CRAT: variants seen among roughly 807,000 people sequenced by gnomAD.
CRAT encodes carnitine acetylase.
A neutral mutation model predicts 73.7 loss-of-function variants in CRAT; 66 were observed. The observed-to-expected ratio is 0.90, with a 90% CI of 0.73 to 1.10. The LOEUF is 1.10. Among genes scored for constraint, CRAT ranks in the 50% least tolerant of loss-of-function variants. CRAT has a pLI of 0.00. For missense variants in CRAT, 745 were observed against 846.9 expected (o/e 0.88, Z 1.49); for synonymous variants, 321 against 343.2 (o/e 0.94, Z 0.71).
chr9:129,098,572 C>G lies in CRAT; in HGVS notation c.1164G>C (p.Glu388Asp). ...TGGCCTTCTCGATGTCGCTCTTGAT[C>G]TCGGGGGTGATGTTGAACCGCAGCT... ...PKKLRFNITP[E>D]IKSDIEKAKQ... Residue 388 changes from glutamate (E) to aspartate (D), a missense_variant, in exon 9 of 14, where the codon GAG becomes GAC. Glu to Asp is a conservative substitution (Grantham distance 45, BLOSUM62 2). Transcript: ENST00000318080. 2 of 1,602,662 alleles carry G rather than the reference C, an allele frequency of 1.2e-6. No individual in the cohort carries two copies. Among genetic ancestry groups the G allele is most frequent in the Non-Finnish European group, 1.7e-6 (2 of 1,177,028 alleles).
rs142872167 is a variant in CRAT, at chr9:129,103,415, A to G, written c.411-349T>C. 6.6e-6 allele frequency among the ~76,000 whole-genome samples: 1 copy of G among 151,936 alleles called. No homozygotes were observed. The highest frequency in any genetic ancestry group is 1.5e-5 in the Non-Finnish European group (1 of 67,918). The stretch of plus-strand genomic sequence containing the variant: ...CTGAGCTCCTGAACCTCAGCCTAGA[A>G]TCTGGAGGGGGTGTCATCTGCTCTG... On this transcript the variant is annotated intron_variant, in intron 3 of 13. Coordinates refer to ENST00000318080, the MANE Select transcript of CRAT (RefSeq NM_000755.5). The surrounding 1 kb of genome is among the most constrained non-coding windows in gnomAD (Gnocchi z 4.6).
At chr9:129,102,103 T>G (rs1284176530) in intron 5 of CRAT, 46 bp from the exon 6 acceptor site, 2 of 1,588,810 alleles carry the variant, frequency 1.3e-6, no homozygotes, top group South Asian at 1.1e-5. Context: ...AGTGGGGACC[T>G]CAGGCTGAGA....
intron 12 of CRAT, among the ~76,000 whole-genome samples, chr9:129,096,723 A>G (rs1847301959): frequency 6.6e-6 from 1 of 152,210 alleles, no homozygotes; most frequent in Non-Finnish European, 1.5e-5. Flanking sequence ...CAGCCCTGGA[A>G]CCTGGAACCA....
At position 129,104,235 on chromosome 9, in the gene CRAT, G is replaced by T. The variant is rs572976140; in HGVS notation, c.363C>A (p.Gly121=). 6.2e-7 allele frequency: 1 copy of T among 1,613,046 alleles called. No individual in the cohort carries two copies. The highest frequency in any genetic ancestry group is 8.5e-7 in the Non-Finnish European group (1 of 1,179,608). Residue 121 remains glycine (G), a synonymous_variant, in exon 3 of 14, where the codon GGC becomes GGA. Transcript: ENST00000318080. ...CGAAGTCCTGCTTGGGTAGCATCACGCCTGGGCTCGAGTAGATGACCACAG... is the reference window on the plus strand; with the variant it reads ...CGAAGTCCTGCTTGGGTAGCATCACTCCTGGGCTCGAGTAGATGACCACAG... ...RQPVVIYSSP[G]VMLPKQDFVD...
chr9:129,098,013 C>G lies in CRAT; in HGVS notation c.1464G>C (p.Thr488=). The change falls in exon 11 of 14, where the codon ACG becomes ACC. Residue 488 remains threonine, a splice_region_variant and synonymous_variant. Coordinates refer to ENST00000318080, the MANE Select transcript of CRAT (RefSeq NM_000755.5). ...FVKAMDDSSV[T]EHQKVELLRK... The stretch of plus-strand genomic sequence containing the variant: ...CCCACCCTCGCCCCAGACCTCTCAC[C>G]GTGACGCTGGAGTCATCCATGGCCT... 6.2e-7 allele frequency: 1 copy of G among 1,613,224 alleles called. No homozygotes were observed. Among genetic ancestry groups the G allele is most frequent in the Middle Eastern group, 1.7e-4 (1 of 5,946 alleles).
chr9:129,107,702 T>C lies in CRAT; in HGVS notation c.291+112A>G. 1.4e-6 allele frequency: 2 copies of C among 1,474,630 alleles called. No homozygotes were observed. Among genetic ancestry groups the C allele is most frequent in the Non-Finnish European group, 1.9e-6 (2 of 1,065,696 alleles). The allele number at this position is 1,474,630 out of a possible 1,614,324, so 91.3% of individuals were successfully genotyped here. On this transcript the variant is annotated intron_variant, in intron 2 of 13. Coordinates refer to ENST00000318080, the MANE Select transcript of CRAT (RefSeq NM_000755.5). This position sits in a 1 kb window ranked among gnomAD's most constrained non-coding sequence, Gnocchi z 5.0. ...CCTGCCAAGTGCCAGACACAGAGTA[T>C]GTGCTCACGAAACTCTGGGCAGCAA...
rs372458072 is a variant in CRAT, at chr9:129,103,074, G to T, written c.411-8C>A. ...ATGAGTTTGGCAGCAAATCTGGAAA[G>T]ATTGATTAGAGATTAGAAGCTGCGT... On this transcript the variant is annotated splice_region_variant and splice_polypyrimidine_tract_variant and intron_variant, in intron 3 of 13. Transcript: ENST00000318080. The surrounding 1 kb of genome is among the most constrained non-coding windows in gnomAD (Gnocchi z 4.6). 2 of 1,613,760 alleles carry T rather than the reference G, an allele frequency of 1.2e-6. No individual in the cohort carries two copies. The highest frequency in any genetic ancestry group is 1.3e-5 in the African/African-American group (1 of 74,928).
chr9:129,101,171 G>T (rs1588449847), intron 6 of CRAT, among the ~76,000 whole-genome samples: 1 of 152,354 alleles, frequency 6.6e-6, no homozygotes, highest in African/African-American at 2.4e-5. Context: ...CCCTAACCAT[G>T]AGGTGTCCTC....
intron 13 of CRAT, 122 bp from the exon 14 acceptor site, chr9:129,095,734 C>T (rs1316962202): frequency 1.9e-6 from 2 of 1,057,874 alleles, no homozygotes; most frequent in Admixed American, 2.3e-5. Context: ...GGTCTGTCCC[C>T]TGCTATATCC....
At position 129,107,705 on chromosome 9, in the gene CRAT, G is replaced by T; in HGVS notation, c.291+109C>A. 1 of 1,494,404 alleles carries T rather than the reference G, an allele frequency of 6.7e-7. No homozygotes were observed. The highest frequency in any genetic ancestry group is 9.2e-7 in the Non-Finnish European group (1 of 1,082,838). 92.6% of individuals were successfully genotyped at this position (1,494,404 alleles called of 1,614,324 possible). A position where few individuals can be genotyped will look rare whatever the true frequency, so the allele number is the denominator to read the frequency against. Reference sequence around the variant, plus strand: ...GCCAAGTGCCAGACACAGAGTATGTGCTCACGAAACTCTGGGCAGCAAACG... The same window carrying T: ...GCCAAGTGCCAGACACAGAGTATGTTCTCACGAAACTCTGGGCAGCAAACG... On this transcript the variant is annotated intron_variant, in intron 2 of 13. Transcript: ENST00000318080. The surrounding 1 kb of genome is among the most constrained non-coding windows in gnomAD (Gnocchi z 5.0).
chr9:129,110,724 G>T lies in CRAT; in HGVS notation c.-215C>A, dbSNP rs534034220. The T allele has an allele frequency of 3.2e-6, 2 of 622,430 alleles. No individual in the cohort carries two copies. The highest frequency in any genetic ancestry group is 5.1e-6 in the Non-Finnish European group (2 of 390,746). 38.6% of individuals were successfully genotyped at this position (622,430 alleles called of 1,614,324 possible). On this transcript the variant is annotated 5_prime_UTR_variant, in exon 1 of 14. Transcript: ENST00000318080. The surrounding 1 kb of genome is among the most constrained non-coding windows in gnomAD (Gnocchi z 5.3). The stretch of plus-strand genomic sequence containing the variant: ...GCACCCGGGGAGGAGGACTCGCGAG[G>T]CGGGGCCTGGGCCGGTAGCGGGCCC...
At chr9:129,108,445 C>A in intron 1 of CRAT, 1 of 1,170,334 alleles carries the variant, frequency 8.5e-7, no homozygotes. Context: ...GGTGACTGTC[C>A]CTCTTGGAGG....
chr9:129,100,529 C>T lies in CRAT; in HGVS notation c.966G>A (p.Trp322Ter). 6.2e-7 allele frequency: 1 copy of T among 1,613,412 alleles called. No individual in the cohort carries two copies. The highest frequency in any genetic ancestry group is 8.5e-7 in the Non-Finnish European group (1 of 1,179,832). ...GCCTCACCTGCAGCGTCTTGTCGAA[C>T]CAGCGGTTGCCGCTGTTGAGCCTGC... is the stretch of plus-strand genomic sequence containing the variant. ...GGSRLNSGNR[W>*]FDKTLQFIVA... Residue 322 changes from tryptophan (W) to a stop codon, truncating the protein, a stop_gained, in exon 7 of 14, where the codon TGG becomes TGA. Transcript: ENST00000318080. LOFTEE classifies it high-confidence loss of function.
At chr9:129,102,129 C>A in intron 5 of CRAT, 72 bp from the exon 6 acceptor site, 2 of 1,507,772 alleles carry the variant, frequency 1.3e-6, no homozygotes, top group Non-Finnish European at 9.0e-7. Context: ...CACCTCCCCA[C>A]ACCTGCCTCC....
At position 129,096,047 on chromosome 9, in the gene CRAT, A is replaced by C; in HGVS notation, c.1616T>G (p.Met539Arg). 1 of 1,614,068 alleles carries C rather than the reference A, an allele frequency of 6.2e-7. No homozygotes were observed. The highest frequency in any genetic ancestry group is 8.5e-7 in the Non-Finnish European group (1 of 1,180,026). ...EDLVSMPDIF[M>R]DTSYAIAMHF... is the part of the protein sequence containing the mutation. ...CATGGCGATGGCGTAGGAGGTGTCC[A>C]TGAAGATGTCGGGCATGCTCACCAG... The change falls in exon 13 of 14, where the codon ATG (methionine) becomes AGG (arginine). Residue 539 changes from methionine (M) to arginine (R), a missense_variant. Transcript: ENST00000318080.
chr9:129,102,578 G>A lies in CRAT; in HGVS notation c.465-13C>T, dbSNP rs776940332. 3 of 1,613,320 alleles carry A rather than the reference G, an allele frequency of 1.9e-6. No homozygotes were observed. Among genetic ancestry groups the A allele is most frequent in the Admixed American group, 1.7e-5 (1 of 59,990 alleles). Reference sequence around the variant, plus strand: ...GGGCAGGGTCTCGCTATGGGGTAGAGGGGCAGTGAGGCCACCACTGGGCAA... The same window carrying A: ...GGGCAGGGTCTCGCTATGGGGTAGAAGGGCAGTGAGGCCACCACTGGGCAA... On this transcript the variant is annotated splice_polypyrimidine_tract_variant and intron_variant, in intron 4 of 13. Transcript: ENST00000318080.
chr9:129,108,170 C>A, intron 1 of CRAT, 93 bp from the exon 2 acceptor site: 1 of 1,425,072 alleles, frequency 7.0e-7, no homozygotes, highest in Non-Finnish European at 9.2e-7. Context: ...AGTGCCCATC[C>A]CTGGGGGCAG....
At chr9:129,100,074 G>A (rs1295709888) in intron 7 of CRAT, 108 bp from the exon 8 acceptor site, 1 of 774,018 alleles carries the variant, frequency 1.3e-6, no homozygotes, top group Non-Finnish European at 2.2e-6. Flanking sequence ...CATCTCAAGG[G>A]GCTATGATGA....
rs767159564 is a variant in CRAT at position 129,104,325 on chromosome 9, C to G, written c.292-19G>C. ...CAGACAGCTGGGAAAAGTGCCAGAG[C>G]CTGTCAGGAGGGGTGCATGGGCCCT... is the stretch of plus-strand genomic sequence containing the variant. On this transcript the variant is annotated intron_variant, in intron 2 of 13. Coordinates refer to ENST00000318080, the MANE Select transcript of CRAT (RefSeq NM_000755.5). 7 of 1,603,410 alleles carry G rather than the reference C, an allele frequency of 4.4e-6. No homozygotes were observed. The highest frequency in any genetic ancestry group is 3.4e-6 in the Non-Finnish European group (4 of 1,171,046).
Sources: gnomAD v4.1 joint callset for allele counts (sites outside exome capture counted in the v4.1 genomes callset) on GRCh38, gnomAD v4.1.1 for gene constraint, Gnocchi (gnomAD v3.1) non-coding constraint, MANE v1.5 for transcripts, NCBI Gene and HGNC (gene_info 2026-07-23, HGNC 2026-07-21) for gene names.